ARSH: variants seen among roughly 807,000 people sequenced by gnomAD.
ARSH encodes the protein arylsulfatase H.
A neutral mutation model predicts 28.7 loss-of-function variants in ARSH; 32 were observed. That is an observed-to-expected ratio of 1.11 (90% confidence interval 0.84 to 1.50). The LOEUF (loss-of-function observed/expected upper bound fraction) is 1.50, where lower values mean the gene tolerates loss of function less well. Among genes scored for constraint, ARSH ranks in the 40% most tolerant of loss-of-function variants. The probability of loss-of-function intolerance (pLI) is 0.00; values close to 1 mark genes in which losing one functional copy is unlikely to be tolerated. For missense variants in ARSH, 440 were observed against 452.4 expected (o/e 0.97, Z 0.25); for synonymous variants, 176 against 177.3 (o/e 0.99, Z 0.06).
chrX:3,031,532 T>G (rs1052700155), intron 8 of ARSH, among the ~76,000 whole-genome samples: 2 of 111,952 alleles, frequency 1.8e-5, no homozygotes, highest in African/African-American at 6.5e-5. Context: ...GGATTTAACT[T>G]TATTTGCAGG....
At chrX:3,012,587 ATATATATATAT>A (rs2089852612) in intron 2 of ARSH, among the ~76,000 whole-genome samples, 2 of 25,145 alleles carry the variant, frequency 8.0e-5, no homozygotes, top group Non-Finnish European at 1.3e-4. Flanking sequence ...ATATATATAT[ATATATATATAT>A]AATATATATA....
chrX:3,012,754 A>T (rs1224550996), intron 2 of ARSH, among the ~76,000 whole-genome samples: 1 of 105,243 alleles, frequency 9.5e-6, no homozygotes, highest in African/African-American at 3.4e-5. Flanking sequence ...TGAAACATTG[A>T]AGGTTAGCAG....
chrX:3,012,207 A>C (rs1036575454), intron 2 of ARSH, among the ~76,000 whole-genome samples: 2 of 110,313 alleles, frequency 1.8e-5, no homozygotes, highest in African/African-American at 6.6e-5. Flanking sequence ...TTTAAACTAT[A>C]GGTGTATAAT....
chrX:3,013,851 A>G (rs1430342065), intron 3 of ARSH, among the ~76,000 whole-genome samples: 1 of 110,969 alleles, frequency 9.0e-6, no homozygotes, highest in Admixed American at 9.7e-5. Flanking sequence ...TTCCCATGCA[A>G]CTCCCAGCAG....
intron 1 of ARSH, among the ~76,000 whole-genome samples, chrX:3,007,565 T>C (rs971377744): frequency 8.9e-6 from 1 of 111,906 alleles, no homozygotes; most frequent in Non-Finnish European, 1.9e-5. Context: ...GATCAAAGTG[T>C]GGGCAGGGCT....
chrX:3,024,550 A>G (rs1328861259), intron 6 of ARSH, among the ~76,000 whole-genome samples: 1 of 110,865 alleles, frequency 9.0e-6, no homozygotes, highest in Non-Finnish European at 1.9e-5. Flanking sequence ...ACAACCAGAA[A>G]TGTCTCCTGA....
intron 3 of ARSH, 150 bp downstream of exon 3, chrX:3,013,322 C>A: frequency 1.5e-6 from 1 of 652,727 alleles, no homozygotes; most frequent in Non-Finnish European, 2.2e-6. Flanking sequence ...AATGATCACA[C>A]ATTGATTGAG....
intron 8 of ARSH, among the ~76,000 whole-genome samples, chrX:3,029,654 C>T (rs1047472062): frequency 3.6e-5 from 4 of 111,333 alleles, no homozygotes; most frequent in African/African-American, 1.3e-4. Context: ...CCTCAGCCTC[C>T]TGAGTAACTG....
At chrX:3,026,245 T>C (rs1004397136) in intron 6 of ARSH, among the ~76,000 whole-genome samples, 2 of 110,405 alleles carry the variant, frequency 1.8e-5, no homozygotes, top group Non-Finnish European at 1.9e-5. Flanking sequence ...GAAGCTGCAG[T>C]GAGCTATGAT....
At chrX:3,023,983 C>G (rs1354664521) in intron 5 of ARSH, 38 bp from the exon 6 acceptor site, 2 of 1,205,626 alleles carry the variant, frequency 1.7e-6, no homozygotes, top group Non-Finnish European at 2.2e-6. Context: ...TGATCTGCAT[C>G]AAGAGGTCAA....
At chrX:3,026,766 G>A (rs1333997200) in intron 6 of ARSH, among the ~76,000 whole-genome samples, 1 of 111,914 alleles carries the variant, frequency 8.9e-6, no homozygotes, top group Non-Finnish European at 1.9e-5. Flanking sequence ...CCTCTATATG[G>A]GAAATCACGG....
At position 3,020,374 on chromosome X, in the gene ARSH, A is replaced by G. The variant is rs1221079553; in HGVS notation, c.901+1704A>G. Among the ~76,000 whole-genome samples, 13 of 105,197 alleles carry G rather than the reference A, an allele frequency of 1.2e-4. No homozygotes were observed. The South Asian group carries it at 1.3e-3, about 11-fold the overall frequency. The allele number at this position is 105,197 out of a possible 115,157, so 91.4% of individuals were successfully genotyped here. On this transcript the variant is annotated intron_variant, in intron 5 of 8. Coordinates refer to ENST00000381130, the MANE Select transcript of ARSH (RefSeq NM_001011719.2). ...GGAGGCCGAGGCGGGCGGATCACAA[A>G]GTCAGGAGATCGAGACCATCCTGGC... is the stretch of plus-strand genomic sequence containing the variant.
intron 8 of ARSH, among the ~76,000 whole-genome samples, chrX:3,029,884 T>A (rs752409130): frequency 2.7e-5 from 3 of 111,114 alleles, no homozygotes; most frequent in Non-Finnish European, 3.8e-5. Flanking sequence ...GCCCAAAGGG[T>A]TTTATTTTAA....
intron 8 of ARSH, 66 bp from the exon 9 acceptor site, chrX:3,032,952 T>C: frequency 8.9e-7 from 1 of 1,120,125 alleles, no homozygotes; most frequent in Non-Finnish European, 1.2e-6. Context: ...GAAAAACATC[T>C]TTAACGAAAA....
intron 8 of ARSH, among the ~76,000 whole-genome samples, chrX:3,029,880 AG>A (rs2089909224): frequency 9.0e-6 from 1 of 111,032 alleles, no homozygotes; most frequent in African/African-American, 3.3e-5. Flanking sequence ...TTGTGCCCAA[AG>A]GGTTTTATTT....
intron 5 of ARSH, among the ~76,000 whole-genome samples, chrX:3,020,502 T>C (rs1371097906): frequency 1.1e-5 from 1 of 95,102 alleles, no homozygotes; most frequent in African/African-American, 4.0e-5. Context: ...GGCAGGAGAA[T>C]GGCGTGAACC....
At chrX:3,014,620 C>T (rs1456785333) in intron 3 of ARSH, among the ~76,000 whole-genome samples, 1 of 111,361 alleles carries the variant, frequency 9.0e-6, no homozygotes, top group Non-Finnish European at 1.9e-5. Context: ...ACCAAGACAT[C>T]GATTCTGCCC....
At chrX:3,014,571 A>G (rs2089860332) in intron 3 of ARSH, among the ~76,000 whole-genome samples, 1 of 111,456 alleles carries the variant, frequency 9.0e-6, no homozygotes, top group Non-Finnish European at 1.9e-5. Flanking sequence ...TGAATGTGCA[A>G]GGTGCACTGA....
chrX:3,008,500 TCTTTCTTTCTTTCTTC>T (rs2089836950), intron 1 of ARSH, among the ~76,000 whole-genome samples: 2 of 99,671 alleles, frequency 2.0e-5, no homozygotes, highest in Non-Finnish European at 4.0e-5. Context: ...TTTCTTTCTT[TCTTTCTTTCTTTCTTC>T]CCTTTTTCTT....
Sources: gnomAD v4.1 joint callset for allele counts (sites outside exome capture counted in the v4.1 genomes callset) on GRCh38, gnomAD v4.1.1 for gene constraint, MANE v1.5 for transcripts, NCBI Gene and HGNC (gene_info 2026-07-23, HGNC 2026-07-21) for gene names.